NR3C1: variants seen among roughly 807,000 people sequenced by gnomAD.
NR3C1 encodes glucocorticoid receptor.
A neutral mutation model predicts 74.0 loss-of-function variants in NR3C1; 14 were observed. The ratio of observed to expected loss-of-function variants is 0.19; its 90% CI spans 0.12 to 0.30. The LOEUF (loss-of-function observed/expected upper bound fraction) is 0.30, where lower values mean the gene tolerates loss of function less well. Among genes scored for constraint, NR3C1 ranks in the 10% least tolerant of loss-of-function variants. The pLI is 1.00. For missense variants in NR3C1, 695 were observed against 909.8 expected (o/e 0.76, Z 3.04); for synonymous variants, 308 against 332.5 (o/e 0.93, Z 0.80).
intron 2 of NR3C1, among the ~76,000 whole-genome samples, chr5:143,383,019 G>A (rs968067417): frequency 2.0e-5 from 3 of 152,232 alleles, no homozygotes; most frequent in African/African-American, 7.2e-5. Flanking sequence ...ATTCCTGGCA[G>A]AGCAGGCACT....
At chr5:143,286,451 T>G (rs1216536819) in intron 7 of NR3C1, among the ~76,000 whole-genome samples, 1 of 152,110 alleles carries the variant, frequency 6.6e-6, no homozygotes, top group Non-Finnish European at 1.5e-5. Context: ...AGTCAATTAC[T>G]CAGAAATTAA....
intron 2 of NR3C1, among the ~76,000 whole-genome samples, chr5:143,394,738 G>A (rs987332154): frequency 2.0e-5 from 3 of 151,912 alleles, no homozygotes; most frequent in African/African-American, 7.2e-5. Context: ...ATTTCTACCT[G>A]AAATAAAAGA....
chr5:143,344,771 G>A (rs976521625), intron 2 of NR3C1, among the ~76,000 whole-genome samples: 9 of 152,214 alleles, frequency 5.9e-5, no homozygotes, highest in Admixed American at 3.9e-4. Flanking sequence ...TACTTGGGAG[G>A]CTGAGGCAGG....
At chr5:143,405,071 G>C, upstream of NR3C1, 1 of 969,568 alleles carries the variant, frequency 1.0e-6, no homozygotes, top group African/African-American at 1.8e-5. Flanking sequence ...GTGCCCGTGC[G>C]GGAAGCCCCC....
chr5:143,361,322 T>C (rs1194407084), intron 2 of NR3C1, among the ~76,000 whole-genome samples: 1 of 152,162 alleles, frequency 6.6e-6, no homozygotes, highest in Non-Finnish European at 1.5e-5. Flanking sequence ...AAATAAAAAA[T>C]TAATTGCCAG....
rs549647513 is a variant in NR3C1 at position 143,376,357 on chromosome 5, G to A, written c.1184+23299C>T. Among the ~76,000 whole-genome samples, 5 of 152,338 alleles carry A rather than the reference G, an allele frequency of 3.3e-5. No individual in the cohort carries two copies. The South Asian group carries it at 8.3e-4, about 25-fold the overall frequency. The stretch of plus-strand genomic sequence containing the variant: ...GGACACAGACACCTAAGCAGGGCTA[G>A]GACATTCAGAGCACCTCTTTACTTC... On this transcript the variant is annotated intron_variant, in intron 2 of 8. Coordinates refer to ENST00000394464, the MANE Select transcript of NR3C1 (RefSeq NM_000176.3).
Position 143,403,265 on chromosome 5 carries a change from G to A in NR3C1, c.-68C>T. 1.0e-6 allele frequency: 1 copy of A among 985,532 alleles called. No individual in the cohort carries two copies. The highest frequency in any genetic ancestry group is 1.2e-6 in the Non-Finnish European group (1 of 830,060). The allele number at this position is 985,532 out of a possible 1,614,324, so 61.0% of individuals were successfully genotyped here. ...CGTCCGCAGTTCCCGCCGCAGCCGA[G>A]ATAAACAACTTAGCTTGTGAACGCA... On this transcript the variant is annotated 5_prime_UTR_variant, in exon 1 of 9. Coordinates refer to ENST00000394464, the MANE Select transcript of NR3C1 (RefSeq NM_000176.3).
At chr5:143,420,204 A>C (rs1751151393) in intron 1 of NR3C1, among the ~76,000 whole-genome samples, 1 of 152,178 alleles carries the variant, frequency 6.6e-6, no homozygotes, top group South Asian at 2.1e-4. Flanking sequence ...TGCAGTTAAC[A>C]CAATTATCAC....
At chr5:143,334,721 C>T (rs1473339864) in intron 2 of NR3C1, among the ~76,000 whole-genome samples, 1 of 141,134 alleles carries the variant, frequency 7.1e-6, no homozygotes, top group Non-Finnish European at 1.6e-5. Context: ...CTTGTCTCTG[C>T]TGTGAAAAAA....
intron 3 of NR3C1, among the ~76,000 whole-genome samples, chr5:143,312,766 T>TAACTGC (rs1358516631): frequency 1.3e-4 from 20 of 152,210 alleles, no homozygotes; most frequent in Admixed American, 6.5e-4. Flanking sequence ...ACTGCATTTA[T>TAACTGC]ATCGTGGAAA....
At chr5:143,301,826 C>T (rs1044132660) in intron 4 of NR3C1, among the ~76,000 whole-genome samples, 4 of 152,038 alleles carry the variant, frequency 2.6e-5, no homozygotes, top group African/African-American at 9.7e-5. Context: ...CTTAAAATGA[C>T]ACACCATATA....
intron 2 of NR3C1, among the ~76,000 whole-genome samples, chr5:143,394,964 G>GT (rs1285624962): frequency 1.3e-5 from 2 of 151,904 alleles, no homozygotes; most frequent in Non-Finnish European, 2.9e-5. Flanking sequence ...TGGAAATTCT[G>GT]TATTTAGAGA....
chr5:143,283,115 C>G (rs1485699510), intron 7 of NR3C1, among the ~76,000 whole-genome samples: 4 of 152,162 alleles, frequency 2.6e-5, no homozygotes, highest in Non-Finnish European at 5.9e-5. Flanking sequence ...CTCAAGCAAT[C>G]CTCCTGCCTC....
In NR3C1 at chr5:143,281,430, T is replaced by A. The variant is rs1474250324; in HGVS notation, c.*459A>T. On this transcript the variant is annotated 3_prime_UTR_variant, in exon 9 of 9. Coordinates refer to ENST00000394464, the MANE Select transcript of NR3C1 (RefSeq NM_000176.3). ...CCTTTTCTGATATACACTTGTAAAC[T>A]TTTTTTCAGGTTTCCATGCATAAAT... 2 of 167,502 alleles carry A rather than the reference T, an allele frequency of 1.2e-5. No individual in the cohort carries two copies. Among genetic ancestry groups the A allele is most frequent in the Non-Finnish European group, 2.6e-5 (2 of 76,426 alleles). 10.4% of individuals were successfully genotyped at this position (167,502 alleles called of 1,614,324 possible). A position where few individuals can be genotyped will look rare whatever the true frequency, so the allele number is the denominator to read the frequency against.
intron 2 of NR3C1, among the ~76,000 whole-genome samples, chr5:143,381,494 T>G (rs1169204444): frequency 6.6e-6 from 1 of 152,094 alleles, no homozygotes; most frequent in African/African-American, 2.4e-5. Context: ...AAAGCCATCC[T>G]GAACAAAAAA....
intron 1 of NR3C1, among the ~76,000 whole-genome samples, chr5:143,416,303 T>C (rs544718178): frequency 6.6e-6 from 1 of 152,284 alleles, no homozygotes; most frequent in South Asian, 2.1e-4. Flanking sequence ...ATATCAGAGA[T>C]AGGCACATGA....
chr5:143,397,844 A>G (rs1936454315), intron 2 of NR3C1, among the ~76,000 whole-genome samples: 1 of 151,932 alleles, frequency 6.6e-6, no homozygotes. Flanking sequence ...AAGAGTAACT[A>G]TGTTCATCTA....
intron 7 of NR3C1, among the ~76,000 whole-genome samples, chr5:143,294,717 T>C (rs1816773391): frequency 6.6e-6 from 1 of 152,204 alleles, no homozygotes; most frequent in Non-Finnish European, 1.5e-5. Context: ...TATGGAATGT[T>C]ATATAGTTAG....
intron 1 of NR3C1, among the ~76,000 whole-genome samples, chr5:143,423,697 A>G (rs930820960): frequency 6.6e-6 from 1 of 152,180 alleles, no homozygotes; most frequent in Admixed American, 6.5e-5. Context: ...TAGCCAAGGT[A>G]TGGAATCAAC....
Sources: gnomAD v4.1 joint callset for allele counts (sites outside exome capture counted in the v4.1 genomes callset) on GRCh38, gnomAD v4.1.1 for gene constraint, MANE v1.5 for transcripts, NCBI Gene and HGNC (gene_info 2026-07-23, HGNC 2026-07-21) for gene names.